The following LYPD4 variants were observed in gnomAD, a reference collection of about 807,000 sequenced individuals.
LYPD4 encodes the protein LY6/PLAUR domain containing 4, also known as ly6/PLAUR domain-containing protein 4.
In LYPD4, 20 loss-of-function variants were observed where a neutral mutation model predicts 18.2. The ratio of observed to expected loss-of-function variants is 1.10; its 90% CI spans 0.77 to 1.59. The LOEUF (loss-of-function observed/expected upper bound fraction) is 1.59, where lower values mean the gene tolerates loss of function less well. Among genes scored for constraint, LYPD4 ranks in the 40% most tolerant of loss-of-function variants. LYPD4 has a pLI of 0.00. For missense variants in LYPD4, 278 were observed against 300.3 expected, an observed-to-expected ratio of 0.93 and a Z score of 0.55; for synonymous variants, 111 against 118.3, an observed-to-expected ratio of 0.94 and a Z score of 0.40.
intron 2 of LYPD4, 55 bp from the exon 3 acceptor site, chr19:41,839,079 G>A (rs990508219): frequency 1.8e-5 from 29 of 1,609,784 alleles, no homozygotes; most frequent in Non-Finnish European, 2.4e-5. Context: ...TTCTGAGCCC[G>A]TTAACTGCCA....
At chr19:41,838,464 C>A (rs939799046) in intron 3 of LYPD4, among the ~76,000 whole-genome samples, 3 of 151,872 alleles carry the variant, frequency 2.0e-5, no homozygotes, top group Admixed American at 2.0e-4. Flanking sequence ...CACTGCAGGA[C>A]CTCCCCCAGC....
At chr19:41,837,854 C>A (rs1290554609) in intron 4 of LYPD4, 81 bp downstream of exon 4, 1 of 1,392,650 alleles carries the variant, frequency 7.2e-7, no homozygotes, top group Non-Finnish European at 9.7e-7. Flanking sequence ...TGGATCCCAC[C>A]AGCCTCTCTG....
At chr19:41,838,469 C>G (rs2073452642) in intron 3 of LYPD4, among the ~76,000 whole-genome samples, 1 of 152,104 alleles carries the variant, frequency 6.6e-6, no homozygotes, top group Non-Finnish European at 1.5e-5. Flanking sequence ...CAGGACCTCC[C>G]CCAGCCCCCA....
At chr19:41,836,022 C>T (rs2073366520), downstream of LYPD4, 1 of 159,814 alleles carries the variant, frequency 6.3e-6, no homozygotes, top group African/African-American at 2.4e-5. Context: ...TGAGCTCCCA[C>T]ACATAAATGG....
At position 41,837,313 on chromosome 19, in the gene LYPD4, A is replaced by G; in HGVS notation, c.571T>C (p.Cys191Arg). The G allele has an allele frequency of 6.2e-7, 1 of 1,613,980 alleles. No individual in the cohort carries two copies. Among genetic ancestry groups the G allele is most frequent in the Middle Eastern group, 1.6e-4 (1 of 6,062 alleles). ...AAAAGCTGGTTATGTTCACGAGCACACCCCATGAGGAGGAAGGTGGTATTG... is the reference window on the plus strand; with the variant it reads ...AAAAGCTGGTTATGTTCACGAGCACGCCCCATGAGGAGGAAGGTGGTATTG... ...FLNTTFLLMGCAREHNQLLAD... is the reference protein window; with the variant it reads ...FLNTTFLLMGRAREHNQLLAD... The change falls in exon 5 of 5, where the codon TGT (cysteine) becomes CGT (arginine). Residue 191 changes from cysteine to arginine, a missense_variant. Coordinates refer to ENST00000609812, the MANE Select transcript of LYPD4 (RefSeq NM_173506.7).
intron 1 of LYPD4, among the ~76,000 whole-genome samples, chr19:41,840,397 T>C (rs1016498070): frequency 1.3e-5 from 2 of 152,062 alleles, no homozygotes; most frequent in African/African-American, 4.8e-5. Flanking sequence ...AACAGTATTG[T>C]ACAAATGTCA....
At position 41,839,441 on chromosome 19, in the gene LYPD4, C is replaced by T. The variant is rs1200112416; in HGVS notation, c.-120-36G>A. ...AAGTTGATTGCATCAGCTTCTAGGA[C>T]ATAGGCTCCCTCAGACCTTCTGGGT... On this transcript the variant is annotated intron_variant, in intron 1 of 4. Transcript: ENST00000609812. 1.4e-5 allele frequency: 10 copies of T among 691,664 alleles called. No individual in the cohort carries two copies. In the East Asian group the frequency reaches 1.9e-4, roughly 13 times the overall value. 42.8% of individuals were successfully genotyped at this position (691,664 alleles called of 1,614,324 possible). A position where few individuals can be genotyped will look rare whatever the true frequency, so the allele number is the denominator to read the frequency against.
chr19:41,839,203 G>A lies in LYPD4; in HGVS notation c.67+16C>T. ...ACCTTTCTGGGTCTTATAGCATCCAGCCCCACAGGACATACGAGGCAGAGT... is the reference window on the plus strand; with the variant it reads ...ACCTTTCTGGGTCTTATAGCATCCAACCCCACAGGACATACGAGGCAGAGT... On this transcript the variant is annotated intron_variant, in intron 2 of 4. Coordinates refer to ENST00000609812, the MANE Select transcript of LYPD4 (RefSeq NM_173506.7). 6.2e-7 allele frequency: 1 copy of A among 1,614,084 alleles called. No individual in the cohort carries two copies. The highest frequency in any genetic ancestry group is 8.5e-7 in the Non-Finnish European group (1 of 1,180,024).
rs782638122 is a variant in LYPD4, at chr19:41,838,174, C to T, written c.299G>A (p.Gly100Glu). 6.2e-7 allele frequency: 1 copy of T among 1,600,586 alleles called. No individual in the cohort carries two copies. The highest frequency in any genetic ancestry group is 1.3e-5 in the African/African-American group (1 of 74,416). Residue 100 changes from glycine to glutamate, a missense_variant, in exon 4 of 5, where the codon GGA (glycine) becomes GAA (glutamate). Physicochemically the swap from Gly to Glu is moderately conservative, Grantham distance 98 (BLOSUM62 -2). Transcript: ENST00000609812. ...GCGACTGTAGGAGGCAATGGACACT[C>T]CGGGTGGGGAAACAAGGTAGGAGAT... Reference protein sequence around the residue: ...AQISYLVSPPGVSIASYSRVC... With the variant: ...AQISYLVSPPEVSIASYSRVC...
At chr19:41,835,796 C>T (rs2073364160), downstream of LYPD4, 2 of 985,436 alleles carry the variant, frequency 2.0e-6, no homozygotes, top group Non-Finnish European at 2.4e-6. Flanking sequence ...CTTCAGACCC[C>T]ACTTGCTCAA....
intron 2 of LYPD4, 58 bp downstream of exon 2, chr19:41,839,161 C>T (rs2073489323): frequency 1.9e-6 from 3 of 1,613,880 alleles, no homozygotes; most frequent in Non-Finnish European, 2.5e-6. Flanking sequence ...CCACCAGTGA[C>T]ATGAATCCAG....
rs781934468 is a variant in LYPD4 at position 41,838,930 on chromosome 19, C to CA, written c.161dup (p.Cys55ValfsTer2). The CA allele has an allele frequency of 1.9e-6, 3 of 1,613,878 alleles. No homozygotes were observed. In the South Asian group the frequency reaches 3.3e-5, roughly 18 times the overall value. On this transcript the variant is annotated frameshift_variant, in exon 3 of 5. Transcript: ENST00000609812. LOFTEE classifies it high-confidence loss of function. ...CCTCGCAGCCCTCTTGCAGCTTACA[C>CA]ACCATGTTCCTCATCAGAAGCCACT...
At chr19:41,837,907 T>C (rs781787588) in intron 4 of LYPD4, 28 bp downstream of exon 4, 1 of 1,566,800 alleles carries the variant, frequency 6.4e-7, no homozygotes, top group Non-Finnish European at 8.7e-7. Flanking sequence ...GAGTAGGCAT[T>C]TGATAAACAA....
chr19:41,841,509 T>C (rs1172009732), intron 1 of LYPD4, among the ~76,000 whole-genome samples: 1 of 150,794 alleles, frequency 6.6e-6, no homozygotes, highest in Admixed American at 6.6e-5. Flanking sequence ...CTACTACAAA[T>C]ACAAAAATTA....
chr19:41,837,347 T>G lies in LYPD4; in HGVS notation c.539-2A>C, dbSNP rs782657515. The G allele has an allele frequency of 1.2e-6, 2 of 1,613,860 alleles. No homozygotes were observed. The highest frequency in any genetic ancestry group is 2.2e-5 in the South Asian group (2 of 91,080). On this transcript the variant is annotated splice_acceptor_variant, in intron 4 of 4. Transcript: ENST00000609812. LOFTEE classifies it high-confidence loss of function. ...GGAGGAAGGTGGTATTGAGAAACCCTGTAAGGAAGAGAGGGAGAAGTCAGG... is the reference window on the plus strand; with the variant it reads ...GGAGGAAGGTGGTATTGAGAAACCCGGTAAGGAAGAGAGGGAGAAGTCAGG...
chr19:41,841,614 C>T (rs964696233), intron 1 of LYPD4, among the ~76,000 whole-genome samples: 13 of 146,160 alleles, frequency 8.9e-5, no homozygotes, highest in East Asian at 4.0e-4. Flanking sequence ...TGCAGTGAGC[C>T]GAGATCATGC....
At chr19:41,839,707 A>C (rs2123111300) in intron 1 of LYPD4, 1 of 84,300 alleles carries the variant, frequency 1.2e-5, no homozygotes, top group Non-Finnish European at 2.9e-5. Flanking sequence ...TGTGTGTGTA[A>C]GTTAACATAT....
intron 2 of LYPD4, 37 bp from the exon 3 acceptor site, chr19:41,839,061 A>G (rs1600549292): frequency 1.2e-6 from 2 of 1,612,054 alleles, no homozygotes; most frequent in South Asian, 1.1e-5. Context: ...TTGGCCCCTC[A>G]TATCATCTTC....
At chr19:41,836,319 A>C (rs1424574743), downstream of LYPD4, among the ~76,000 whole-genome samples, 7 of 139,376 alleles carry the variant, frequency 5.0e-5, no homozygotes, top group African/African-American at 1.6e-4. Context: ...AAAAAAAAAA[A>C]AAAAAAAACA....
Sources: allele counts gnomAD v4.1 joint callset (sites outside exome capture counted in the v4.1 genomes callset), GRCh38; gene constraint gnomAD v4.1.1; transcripts MANE v1.5; gene names NCBI Gene and HGNC (gene_info 2026-07-23, HGNC 2026-07-21).